The following USP10 variants were observed in gnomAD, a reference collection of about 807,000 sequenced individuals.
USP10 encodes the protein ubiquitin carboxyl-terminal hydrolase 10.
A neutral mutation model predicts 84.5 loss-of-function variants in USP10; 22 were observed. The observed-to-expected ratio is 0.26, with a 90% CI of 0.19 to 0.37. The LOEUF (loss-of-function observed/expected upper bound fraction) is 0.37, where lower values mean the gene tolerates loss of function less well. Among genes scored for constraint, USP10 ranks in the 10% least tolerant of loss-of-function variants. The probability of loss-of-function intolerance (pLI) is 1.00; values close to 1 mark genes in which losing one functional copy is unlikely to be tolerated. For synonymous variants in USP10, 454 were observed against 387.6 expected (o/e 1.17, Z -2.01); for missense variants, 1,019 against 998.9 (o/e 1.02, Z -0.27).
At chr16:84,707,923 C>CA (rs1327184084) in intron 1 of USP10, among the ~76,000 whole-genome samples, 5 of 151,756 alleles carry the variant, frequency 3.3e-5, no homozygotes, top group Non-Finnish European at 7.4e-5. Flanking sequence ...TACAAAAATA[C>CA]AAAAATTCAC....
chr16:84,703,809 C>T (rs1905168328), intron 1 of USP10, among the ~76,000 whole-genome samples: 2 of 152,192 alleles, frequency 1.3e-5, no homozygotes, highest in Non-Finnish European at 2.9e-5. Flanking sequence ...TGAGCAGCCG[C>T]GCCGTACCAG....
chr16:84,721,422 T>G (rs1375060178), intron 1 of USP10, among the ~76,000 whole-genome samples: 1 of 152,252 alleles, frequency 6.6e-6, no homozygotes, highest in African/African-American at 2.4e-5. Flanking sequence ...ATGGTACTGC[T>G]TCATCTGCTT....
chr16:84,769,875 G>A (rs151262860), intron 11 of USP10, among the ~76,000 whole-genome samples: 203 of 152,324 alleles, frequency 1.3e-3, no homozygotes, highest in African/African-American at 4.5e-3. Context: ...GGCGCAGGTA[G>A]TTGTTAGCCT....
chr16:84,707,097 A>T (rs1043245740), intron 1 of USP10, among the ~76,000 whole-genome samples: 9 of 152,162 alleles, frequency 5.9e-5, no homozygotes, highest in Non-Finnish European at 1.5e-5. Flanking sequence ...CTTGAGGTCA[A>T]ATGGCTGCTG....
rs1033065368 is a variant in USP10 at position 84,745,734 on chromosome 16, T to G, written c.1192+61T>G. On this transcript the variant is annotated intron_variant, in intron 4 of 13. Transcript: ENST00000219473. ...GGGAGCAGACCTCATCAACTGGGCTTATAGACTGTGGTGTTACCCATAACA... is the reference window on the plus strand; with the variant it reads ...GGGAGCAGACCTCATCAACTGGGCTGATAGACTGTGGTGTTACCCATAACA... 17 of 1,508,168 alleles carry G rather than the reference T, an allele frequency of 1.1e-5. No individual in the cohort carries two copies. The African/African-American group carries it at 2.4e-4, about 21-fold the overall frequency. 93.4% of individuals were successfully genotyped at this position (1,508,168 alleles called of 1,614,324 possible). A position where few individuals can be genotyped will look rare whatever the true frequency, so the allele number is the denominator to read the frequency against.
chr16:84,758,953 G>C (rs752911087), intron 5 of USP10, 146 bp downstream of exon 5: 1 of 658,080 alleles, frequency 1.5e-6, no homozygotes, highest in East Asian at 2.6e-5. Flanking sequence ...TGCCTACCTT[G>C]CTTATAAACA....
At chr16:84,767,776 A>AT (rs935923398) in intron 10 of USP10, among the ~76,000 whole-genome samples, 6 of 149,728 alleles carry the variant, frequency 4.0e-5, no homozygotes, top group African/African-American at 1.5e-4. Context: ...AATTATTATT[A>AT]TTTTTTTTAA....
chr16:84,700,143 G>A, intron 1 of USP10, 32 bp downstream of exon 1: 1 of 1,290,148 alleles, frequency 7.8e-7, no homozygotes, highest in Non-Finnish European at 1.0e-6. Context: ...CGGCCGGAAG[G>A]GGCCCGAGCC....
chr16:84,734,407 T>C (rs966237852), intron 2 of USP10, among the ~76,000 whole-genome samples: 2 of 152,266 alleles, frequency 1.3e-5, no homozygotes, highest in Non-Finnish European at 2.9e-5. Context: ...TCTTCACGTC[T>C]GCTGGCAATA....
intron 4 of USP10, among the ~76,000 whole-genome samples, chr16:84,748,288 G>T (rs1389128130): frequency 6.6e-6 from 1 of 151,684 alleles, no homozygotes; most frequent in African/African-American, 2.4e-5. Flanking sequence ...TAAGTTCGAA[G>T]TCATGAGAAT....
At chr16:84,777,154 G>A (rs2150879647) in intron 13 of USP10, among the ~76,000 whole-genome samples, 1 of 152,330 alleles carries the variant, frequency 6.6e-6, no homozygotes, top group South Asian at 2.1e-4. Context: ...TCGCGCACAA[G>A]CTTTTCAGGC....
chr16:84,706,787 A>G (rs1905581774), intron 1 of USP10, among the ~76,000 whole-genome samples: 1 of 151,554 alleles, frequency 6.6e-6, no homozygotes, highest in Non-Finnish European at 1.5e-5. Context: ...GGATCTGCCC[A>G]CCTCGGCCTC....
chr16:84,775,145 T>C lies in USP10; in HGVS notation c.2144-15T>C. 1 of 1,613,224 alleles carries C rather than the reference T, an allele frequency of 6.2e-7. No individual in the cohort carries two copies. The highest frequency in any genetic ancestry group is 1.1e-5 in the South Asian group (1 of 91,078). On this transcript the variant is annotated splice_polypyrimidine_tract_variant and intron_variant, in intron 12 of 13. Coordinates refer to ENST00000219473, the MANE Select transcript of USP10 (RefSeq NM_005153.3). ...TTCTAAAAGTGCTTCAAGCCATTGATATTTTGTTTTCCAGAACTGCTTTCT... is the reference window on the plus strand; with the variant it reads ...TTCTAAAAGTGCTTCAAGCCATTGACATTTTGTTTTCCAGAACTGCTTTCT...
At chr16:84,774,758 C>T (rs572214559) in intron 12 of USP10, among the ~76,000 whole-genome samples, 24 of 152,282 alleles carry the variant, frequency 1.6e-4, no homozygotes, top group African/African-American at 4.8e-4. Context: ...CGTGAGCCAC[C>T]GTGCCTGGCC....
intron 1 of USP10, among the ~76,000 whole-genome samples, chr16:84,701,379 C>T (rs900106734): frequency 2.7e-5 from 4 of 150,882 alleles, no homozygotes; most frequent in African/African-American, 9.7e-5. Flanking sequence ...TAGGTCTTTG[C>T]GCCAAAAAAG....
rs778752674 is a variant in USP10, at chr16:84,768,339, C to A, written c.1979C>A (p.Thr660Asn). ...GCAAGAGAATCTGTCCAAGGTTATA[C>A]CACAAAAACCAAACAAGAGGTATGT... is the stretch of plus-strand genomic sequence containing the variant. ...LVARESVQGY[T>N]TKTKQEVEIS... Residue 660 changes from threonine to asparagine, a missense_variant, in exon 11 of 14, where the codon ACC (threonine) becomes AAC (asparagine). Around this residue, in one of 2 missense-constraint regions of USP10, gnomAD observed 232 missense variants for 290.1 expected, o/e 0.80. Coordinates refer to ENST00000219473, the MANE Select transcript of USP10 (RefSeq NM_005153.3). The A allele has an allele frequency of 6.9e-6, 11 of 1,603,780 alleles. No individual in the cohort carries two copies. The highest frequency in any genetic ancestry group is 9.4e-6 in the Non-Finnish European group (11 of 1,174,346).
chr16:84,731,075 G>C (rs1057445057), intron 1 of USP10, among the ~76,000 whole-genome samples: 1 of 149,718 alleles, frequency 6.7e-6, no homozygotes, highest in Non-Finnish European at 1.5e-5. Flanking sequence ...CACCTCCCGG[G>C]TTCAAGCGAT....
rs141190122 is a variant in USP10, at chr16:84,738,850, C to A, written c.91-1459C>A. 1.9e-3 allele frequency among the ~76,000 whole-genome samples: 282 copies of A among 152,218 alleles called. 2 individuals are homozygous for A. Among genetic ancestry groups the A allele is most frequent in the African/African-American group, 6.5e-3 (269 of 41,526 alleles). ...TCATTGGAGAACTCAGCTGAGGAAG[C>A]CAATCAAGCAGCAGCTCTCATACAG... On this transcript the variant is annotated intron_variant, in intron 2 of 13. Transcript: ENST00000219473.
intron 12 of USP10, among the ~76,000 whole-genome samples, chr16:84,774,508 T>C (rs1245710807): frequency 2.0e-5 from 1 of 50,384 alleles, no homozygotes; most frequent in Non-Finnish European, 4.1e-5. Flanking sequence ...TCTTGCTCTG[T>C]CACCCAGGCT....
Sources: allele counts gnomAD v4.1 joint callset (sites outside exome capture counted in the v4.1 genomes callset), GRCh38; gene constraint gnomAD v4.1.1; regional missense constraint gnomAD v4.1.1; transcripts MANE v1.5; gene names NCBI Gene and HGNC (gene_info 2026-07-23, HGNC 2026-07-21).